Variants in KCNQ3 observed in about 807,000 individuals in gnomAD.
KCNQ3 encodes the protein potassium voltage-gated channel subfamily Q member 3, also known as potassium voltage-gated channel subfamily KQT member 3.
A neutral mutation model predicts 92.5 loss-of-function variants in KCNQ3; 30 were observed. The ratio of observed to expected loss-of-function variants is 0.32; its 90% CI spans 0.24 to 0.44. KCNQ3 has a LOEUF of 0.44. Among genes scored for constraint, KCNQ3 ranks in the 20% least tolerant of loss-of-function variants. KCNQ3 has a pLI of 1.00. For missense variants in KCNQ3, 913 were observed against 1,140.3 expected, an observed-to-expected ratio of 0.80 and a Z score of 2.87; for synonymous variants, 450 against 468.8, an observed-to-expected ratio of 0.96 and a Z score of 0.52.
At chr8:132,461,535 A>G (rs1822062104) in intron 1 of KCNQ3, among the ~76,000 whole-genome samples, 1 of 152,202 alleles carries the variant, frequency 6.6e-6, no homozygotes, top group Non-Finnish European at 1.5e-5. Flanking sequence ...ATTGCACTCC[A>G]GCCTGGGCGA....
chr8:132,275,600 CAG>C (rs1816300859), intron 1 of KCNQ3, among the ~76,000 whole-genome samples: 3 of 147,108 alleles, frequency 2.0e-5, no homozygotes, highest in Non-Finnish European at 3.0e-5. Context: ...TTTTTTTAGA[CAG>C]AGTCTTGCTC....
chr8:132,171,505 A>G (rs555717749), intron 7 of KCNQ3, among the ~76,000 whole-genome samples: 2 of 151,942 alleles, frequency 1.3e-5, no homozygotes, highest in Admixed American at 6.6e-5. Context: ...CTCTCTCATC[A>G]CCTCTCACTG....
intron 1 of KCNQ3, among the ~76,000 whole-genome samples, chr8:132,345,335 T>C (rs1818654290): frequency 1.3e-5 from 2 of 152,150 alleles, no homozygotes; most frequent in Admixed American, 1.3e-4. Flanking sequence ...ATTTGGAACC[T>C]TGAAAAGAGT....
chr8:132,132,758 G>A (rs1824927160), intron 13 of KCNQ3, among the ~76,000 whole-genome samples: 1 of 152,184 alleles, frequency 6.6e-6, no homozygotes. Context: ...TGAACATGAT[G>A]CAAAAGATGA....
intron 1 of KCNQ3, among the ~76,000 whole-genome samples, chr8:132,220,811 CT>C (rs201993680): frequency 1.1e-5 from 1 of 92,672 alleles, no homozygotes; most frequent in Admixed American, 9.7e-5. Flanking sequence ...TGGCATGAAA[CT>C]TTTTTTTATT....
At chr8:132,374,598 T>A (rs922187297) in intron 1 of KCNQ3, among the ~76,000 whole-genome samples, 2 of 152,234 alleles carry the variant, frequency 1.3e-5, no homozygotes, top group African/African-American at 4.8e-5. Context: ...TACGGGAGTT[T>A]GTTGTACAGA....
chr8:132,416,604 AGAGT>A (rs1820815141), intron 1 of KCNQ3, among the ~76,000 whole-genome samples: 1 of 152,212 alleles, frequency 6.6e-6, no homozygotes, highest in Non-Finnish European at 1.5e-5. Flanking sequence ...CCTGCGTGAC[AGAGT>A]GAGACTCCAT....
intron 1 of KCNQ3, among the ~76,000 whole-genome samples, chr8:132,258,508 C>G (rs1363336390): frequency 6.6e-6 from 1 of 151,842 alleles, no homozygotes; most frequent in Non-Finnish European, 1.5e-5. Context: ...TACAGCAGAA[C>G]AAGTGCTTAG....
At chr8:132,310,916 G>A (rs1817574688) in intron 1 of KCNQ3, among the ~76,000 whole-genome samples, 1 of 151,864 alleles carries the variant, frequency 6.6e-6, no homozygotes, top group Non-Finnish European at 1.5e-5. Flanking sequence ...TAAACAAATG[G>A]TATCAGAGTC....
chr8:132,409,030 G>A (rs1378657196), intron 1 of KCNQ3, among the ~76,000 whole-genome samples: 2 of 152,122 alleles, frequency 1.3e-5, no homozygotes, highest in African/African-American at 4.8e-5. Context: ...ATAAATGCAT[G>A]TTTTACTTTG....
At chr8:132,227,370 C>T (rs1586844999) in intron 1 of KCNQ3, among the ~76,000 whole-genome samples, 1 of 151,836 alleles carries the variant, frequency 6.6e-6, no homozygotes. Flanking sequence ...CCACTGGTGT[C>T]TTTATAAGAG....
At chr8:132,184,137 G>A in intron 3 of KCNQ3, 104 bp downstream of exon 3, 1 of 1,454,202 alleles carries the variant, frequency 6.9e-7, no homozygotes, top group Non-Finnish European at 9.6e-7. Context: ...GGCCTCCACA[G>A]TGCCGCGTGA....
At chr8:132,341,837 A>T (rs1187198111) in intron 1 of KCNQ3, among the ~76,000 whole-genome samples, 1 of 152,232 alleles carries the variant, frequency 6.6e-6, no homozygotes, top group Non-Finnish European at 1.5e-5. Flanking sequence ...ACTCTCAGGC[A>T]TCCATGCAGT....
chr8:132,441,072 A>G (rs1227880628), intron 1 of KCNQ3, among the ~76,000 whole-genome samples: 1 of 152,206 alleles, frequency 6.6e-6, no homozygotes, highest in Non-Finnish European at 1.5e-5. Flanking sequence ...CTCCAAGAGG[A>G]GAAGTAACTT....
intron 5 of KCNQ3, among the ~76,000 whole-genome samples, chr8:132,175,067 T>G (rs1489063993): frequency 6.6e-6 from 1 of 152,238 alleles, no homozygotes; most frequent in Non-Finnish European, 1.5e-5. Flanking sequence ...GAATGCCAGC[T>G]TTAGTACTGT....
chr8:132,173,845 C>T (rs1826461711), intron 6 of KCNQ3, among the ~76,000 whole-genome samples: 1 of 152,226 alleles, frequency 6.6e-6, no homozygotes, highest in African/African-American at 2.4e-5. Context: ...GAAGGACCTG[C>T]TCCGTGCAAG....
chr8:132,344,902 A>G (rs1413737113), intron 1 of KCNQ3, among the ~76,000 whole-genome samples: 1 of 152,134 alleles, frequency 6.6e-6, no homozygotes, highest in Non-Finnish European at 1.5e-5. Flanking sequence ...AGGGAGAGAG[A>G]AGGTGTCAAA....
At chr8:132,195,437 G>A (rs558562736) in intron 1 of KCNQ3, among the ~76,000 whole-genome samples, 2 of 152,340 alleles carry the variant, frequency 1.3e-5, no homozygotes, top group South Asian at 4.1e-4. Context: ...ATATCCTCAT[G>A]TCCCCTTAGG....
chr8:132,462,187 T>TTATG (rs1485732518), intron 1 of KCNQ3, among the ~76,000 whole-genome samples: 3 of 151,336 alleles, frequency 2.0e-5, no homozygotes, highest in African/African-American at 4.8e-5. Context: ...ATGTATTTAT[T>TTATG]TATTTATTTA....
Sources: gnomAD v4.1 joint callset for allele counts (sites outside exome capture counted in the v4.1 genomes callset) on GRCh38, gnomAD v4.1.1 for gene constraint, MANE v1.5 for transcripts, NCBI Gene and HGNC (gene_info 2026-07-23, HGNC 2026-07-21) for gene names.